The following WDHD1 variants were observed in gnomAD, a reference collection of about 807,000 sequenced individuals.
WDHD1 encodes the protein WD repeat and HMG-box DNA binding protein 1.
WDHD1 carries 111 observed loss-of-function variants against 135.4 expected under a neutral mutation model. The ratio of observed to expected loss-of-function variants is 0.82; its 90% CI spans 0.70 to 0.96. WDHD1 has a LOEUF of 0.96. Ranked by LOEUF, WDHD1 falls within the 40% of genes least tolerant of loss-of-function variation. WDHD1 has a pLI of 0.00. For synonymous variants in WDHD1, 434 were observed against 439.0 expected (o/e 0.99, Z 0.14); for missense variants, 1,351 against 1,336.3 (o/e 1.01, Z -0.17).
At chr14:54,958,309 T>A (rs2041194445) in intron 21 of WDHD1, among the ~76,000 whole-genome samples, 1 of 151,956 alleles carries the variant, frequency 6.6e-6, no homozygotes, top group South Asian at 2.1e-4. Context: ...GTATTTTTAA[T>A]AGAGACAGGG....
At chr14:54,944,181 C>T (rs766910357) in intron 25 of WDHD1, 151 bp downstream of exon 25, 21 of 796,188 alleles carry the variant, frequency 2.6e-5, no homozygotes, top group Non-Finnish European at 3.3e-5. Context: ...AGGCTGGTCA[C>T]GAACTCCTGA....
rs371014811 is a variant in WDHD1, at chr14:54,992,561, T to C, written c.1154-1161A>G. The stretch of plus-strand genomic sequence containing the variant: ...ATTGGAAAGCTTCTATTTGCCATTA[T>C]GAGCTTCACAACTTTCTAATACTTA... On this transcript the variant is annotated intron_variant, in intron 11 of 25. Coordinates refer to ENST00000360586, the MANE Select transcript of WDHD1 (RefSeq NM_007086.4). Among the ~76,000 whole-genome samples, 257 of 152,326 alleles carry C rather than the reference T, an allele frequency of 1.7e-3. 1 individual carries two copies. Among genetic ancestry groups the C allele is most frequent in the Middle Eastern group, 0.014 (4 of 294 alleles).
At position 54,986,396 on chromosome 14, in the gene WDHD1, G is replaced by A. The variant is rs557781436; in HGVS notation, c.1768+750C>T. Among the ~76,000 whole-genome samples the A allele has an allele frequency of 9.2e-5, 14 of 152,100 alleles. No individual in the cohort carries two copies. The East Asian group carries it at 2.7e-3, about 29-fold the overall frequency. On this transcript the variant is annotated intron_variant, in intron 14 of 25. Coordinates refer to ENST00000360586, the MANE Select transcript of WDHD1 (RefSeq NM_007086.4). ...CTATCCAGACTTGTATTGAACTCCT[G>A]GGCTAAAGCAACTCTCCCGCCTCGG...
intron 16 of WDHD1, among the ~76,000 whole-genome samples, chr14:54,971,677 C>T (rs1356553199): frequency 1.5e-5 from 2 of 137,570 alleles, no homozygotes; most frequent in Non-Finnish European, 1.5e-5. Context: ...CTCACCACCG[C>T]ACTGTAGCCT....
At chr14:54,959,796 A>G (rs938887492) in intron 21 of WDHD1, among the ~76,000 whole-genome samples, 1 of 151,732 alleles carries the variant, frequency 6.6e-6, no homozygotes, top group African/African-American at 2.4e-5. Flanking sequence ...CCCCCCCACC[A>G]AACAAAAAAA....
At chr14:54,997,911 C>CAAAA (rs769506329) in intron 10 of WDHD1, among the ~76,000 whole-genome samples, 1 of 104,484 alleles carries the variant, frequency 9.6e-6, no homozygotes, top group African/African-American at 3.7e-5. Flanking sequence ...AACTCCGTCT[C>CAAAA]AAAAAAAAAA....
chr14:54,951,906 T>C (rs1294594336), intron 24 of WDHD1, among the ~76,000 whole-genome samples: 3 of 152,146 alleles, frequency 2.0e-5, no homozygotes, highest in Non-Finnish European at 2.9e-5. Context: ...GTTATCTCAA[T>C]AGATGCAGAA....
At chr14:54,947,955 C>G (rs535889015) in intron 24 of WDHD1, among the ~76,000 whole-genome samples, 20 of 151,872 alleles carry the variant, frequency 1.3e-4, no homozygotes, top group Admixed American at 6.6e-4. Context: ...GTGGCTCACA[C>G]CTGTAATTCC....
chr14:55,000,751 AT>A, intron 9 of WDHD1, 107 bp from the exon 10 acceptor site: 2 of 1,071,868 alleles, frequency 1.9e-6, no homozygotes, highest in Non-Finnish European at 2.4e-6. Flanking sequence ...TTTGACAATA[AT>A]TTATAAATAA....
At chr14:54,992,770 T>C (rs2041812556) in intron 11 of WDHD1, among the ~76,000 whole-genome samples, 1 of 151,606 alleles carries the variant, frequency 6.6e-6, no homozygotes, top group Non-Finnish European at 1.5e-5. Context: ...AAAAATTAGA[T>C]GGGCATGGTG....
At chr14:54,982,520 A>G (rs2041635107) in intron 15 of WDHD1, among the ~76,000 whole-genome samples, 1 of 152,142 alleles carries the variant, frequency 6.6e-6, no homozygotes, top group Non-Finnish European at 1.5e-5. Flanking sequence ...CTCGTAAAAC[A>G]GGGAAGCATT....
chr14:54,952,245 G>T (rs1187004379), intron 24 of WDHD1, among the ~76,000 whole-genome samples: 1 of 152,040 alleles, frequency 6.6e-6, no homozygotes, highest in Admixed American at 6.6e-5. Flanking sequence ...AGAAAACCCC[G>T]TCGTCTCAGC....
chr14:54,948,204 G>A (rs779368519), intron 24 of WDHD1, among the ~76,000 whole-genome samples: 4 of 152,096 alleles, frequency 2.6e-5, no homozygotes, highest in Admixed American at 6.5e-5. Context: ...GACAGTGGGC[G>A]CAGAACAGGG....
At chr14:54,960,899 A>T (rs150980864) in intron 21 of WDHD1, among the ~76,000 whole-genome samples, 86 of 152,278 alleles carry the variant, frequency 5.6e-4, no homozygotes, top group African/African-American at 1.8e-3. Flanking sequence ...TCCTGGGCTC[A>T]AGATATCCTC....
intron 2 of WDHD1, among the ~76,000 whole-genome samples, chr14:55,023,405 C>T (rs990223139): frequency 6.6e-6 from 1 of 152,216 alleles, no homozygotes; most frequent in African/African-American, 2.4e-5. Flanking sequence ...TTCCTTTTCA[C>T]AGTGGTCCTT....
chr14:55,001,093 A>C, intron 8 of WDHD1, 101 bp from the exon 9 acceptor site: 1 of 756,912 alleles, frequency 1.3e-6, no homozygotes, highest in Non-Finnish European at 1.9e-6. Flanking sequence ...TTTTTCAAGA[A>C]TTTGGAGGGG....
chr14:54,994,979 T>C (rs1273271176), intron 11 of WDHD1, among the ~76,000 whole-genome samples: 1 of 152,158 alleles, frequency 6.6e-6, no homozygotes, highest in South Asian at 2.1e-4. Context: ...ATTAATTTTA[T>C]TGATCTTTTC....
At position 55,024,953 on chromosome 14, in the gene WDHD1, G is replaced by A. The variant is rs575255269; in HGVS notation, c.77+1758C>T. Among the ~76,000 whole-genome samples the A allele has an allele frequency of 1.9e-4, 17 of 91,594 alleles. 3 individuals are homozygous for A. Among genetic ancestry groups the A allele is most frequent in the African/African-American group, 4.5e-4 (14 of 31,062 alleles). 60.1% of individuals were successfully genotyped at this position (91,594 alleles called of 152,430 possible). A position where few individuals can be genotyped will look rare whatever the true frequency, so the allele number is the denominator to read the frequency against. On this transcript the variant is annotated intron_variant, in intron 2 of 25. Transcript: ENST00000360586. ...GGGAAGGGAAAGACCTGACCGTCCC[G>A]TAAAGGGTCTGTGCTGAGGAGGATT...
At chr14:55,018,397 G>A (rs1018771852) in intron 2 of WDHD1, among the ~76,000 whole-genome samples, 10 of 152,124 alleles carry the variant, frequency 6.6e-5, no homozygotes, top group African/African-American at 1.9e-4. Context: ...TTAAAATTCT[G>A]TAACTGTACT....
Sources: gnomAD v4.1 joint callset for allele counts (sites outside exome capture counted in the v4.1 genomes callset) on GRCh38, gnomAD v4.1.1 for gene constraint, MANE v1.5 for transcripts, NCBI Gene and HGNC (gene_info 2026-07-23, HGNC 2026-07-21) for gene names.